Variants in TNF observed in about 807,000 individuals in gnomAD.
The protein encoded by TNF is tumor necrosis factor.
In TNF, 7 loss-of-function variants were observed where a neutral mutation model predicts 21.8. The ratio of observed to expected loss-of-function variants is 0.32; its 90% CI spans 0.18 to 0.60. The LOEUF is 0.60. TNF is among the 20% of genes least tolerant of loss of function. The pLI is 0.84. For missense variants in TNF, 216 were observed against 296.6 expected (o/e 0.73, Z 2.00); for synonymous variants, 123 against 130.2 (o/e 0.94, Z 0.38).
chr6:31,577,729 C>A lies in TNF; in HGVS notation c.*192C>A, dbSNP rs1236065202. On this transcript the variant is annotated 3_prime_UTR_variant, in exon 4 of 4. Transcript: ENST00000449264. The surrounding 1 kb of genome is among the most constrained non-coding windows in gnomAD (Gnocchi z 7.7). Reference sequence around the variant, plus strand: ...GGGATTCAGGAATGTGTGGCCTGCACAGTGAAGTGCTGGCAACCACTAAGA... The same window carrying A: ...GGGATTCAGGAATGTGTGGCCTGCAAAGTGAAGTGCTGGCAACCACTAAGA... 7 of 719,652 alleles carry A rather than the reference C, an allele frequency of 9.7e-6. No individual in the cohort carries two copies. Among genetic ancestry groups the A allele is most frequent in the Admixed American group, 2.3e-5 (1 of 43,318 alleles). 44.6% of individuals were successfully genotyped at this position (719,652 alleles called of 1,614,324 possible). A position where few individuals can be genotyped will look rare whatever the true frequency, so the allele number is the denominator to read the frequency against.
In TNF at chr6:31,576,543, G is replaced by A. The variant is rs776692566; in HGVS notation, c.196G>A (p.Asp66Asn). ...IGPQREEFPR[D>N]LSLISPLAQA... ...TCCTTCTCCCCAACAGTTCCCCAGG[G>A]ACCTCTCTCTAATCAGCCCTCTGGC... The change falls in exon 2 of 4, where the codon GAC becomes AAC. Residue 66 changes from aspartate (D) to asparagine (N), a missense_variant. By Grantham distance (23) the Asp-to-Asn change is conservative. Coordinates refer to ENST00000449264, the MANE Select transcript of TNF (RefSeq NM_000594.4). 1 of 1,613,686 alleles carries A rather than the reference G, an allele frequency of 6.2e-7. No homozygotes were observed. The highest frequency in any genetic ancestry group is 1.3e-5 in the African/African-American group (1 of 74,868).
At position 31,575,906 on chromosome 6, in the gene TNF, G is replaced by A; in HGVS notation, c.165G>A (p.Val55=). Reference sequence around the variant, plus strand: ...TCTTCTGCCTGCTGCACTTTGGAGTGATCGGCCCCCAGAGGGAAGAGGTGA... The same window carrying A: ...TCTTCTGCCTGCTGCACTTTGGAGTAATCGGCCCCCAGAGGGAAGAGGTGA... ...TTLFCLLHFG[V]IGPQREEFPR... Residue 55 remains valine, a synonymous_variant, in exon 1 of 4, where the codon GTG becomes GTA. Transcript: ENST00000449264. This position sits in a 1 kb window ranked among gnomAD's most constrained non-coding sequence, Gnocchi z 6.2. The A allele has an allele frequency of 6.3e-7, 1 of 1,576,076 alleles. No homozygotes were observed. Among genetic ancestry groups the A allele is most frequent in the Non-Finnish European group, 8.6e-7 (1 of 1,161,174 alleles).
At position 31,578,071 on chromosome 6, in the gene TNF, G is replaced by C. The variant is rs1341000942; in HGVS notation, c.*534G>C. 6.6e-6 allele frequency: 1 copy of C among 152,256 alleles called. No homozygotes were observed. The highest frequency in any genetic ancestry group is 1.5e-5 in the Non-Finnish European group (1 of 68,140). The allele number at this position is 152,256 out of a possible 1,614,324, so 9.4% of individuals were successfully genotyped here. A position where few individuals can be genotyped will look rare whatever the true frequency, so the allele number is the denominator to read the frequency against. On this transcript the variant is annotated 3_prime_UTR_variant, in exon 4 of 4. Transcript: ENST00000449264. The surrounding 1 kb of genome is among the most constrained non-coding windows in gnomAD (Gnocchi z 6.0). Reference sequence around the variant, plus strand: ...TTATTTGGGAGACCGGGGTATCCTGGGGGACCCAATGTAGGAGCTGCCTTG... The same window carrying C: ...TTATTTGGGAGACCGGGGTATCCTGCGGGACCCAATGTAGGAGCTGCCTTG...
rs1341944066 is a variant in TNF, at chr6:31,575,909, C to T, written c.168C>T (p.Ile56=). ...TCTGCCTGCTGCACTTTGGAGTGAT[C>T]GGCCCCCAGAGGGAAGAGGTGAGTG... The part of the protein sequence containing the change: ...TLFCLLHFGV[I]GPQREEFPRD... The change falls in exon 1 of 4, where the codon ATC becomes ATT. Residue 56 remains isoleucine (I), a synonymous_variant. Coordinates refer to ENST00000449264, the MANE Select transcript of TNF (RefSeq NM_000594.4). The surrounding 1 kb of genome is among the most constrained non-coding windows in gnomAD (Gnocchi z 6.2). 6 of 1,570,476 alleles carry T rather than the reference C, an allele frequency of 3.8e-6. No individual in the cohort carries two copies. The East Asian group carries it at 1.2e-4, about 31-fold the overall frequency.
chr6:31,576,336 G>A (rs901192919), intron 1 of TNF, among the ~76,000 whole-genome samples, 198 bp from the exon 2 acceptor site: 5 of 152,136 alleles, frequency 3.3e-5, no homozygotes, highest in Non-Finnish European at 4.4e-5. Flanking sequence ...GAGATAAGGA[G>A]AGAAGAAGAT....
intron 2 of TNF, 47 bp from the exon 3 acceptor site, chr6:31,576,720 T>C: frequency 6.2e-7 from 1 of 1,611,130 alleles, no homozygotes; most frequent in Non-Finnish European, 8.5e-7. Flanking sequence ...GGGTATTTTC[T>C]AGGAAGTTTA....
chr6:31,577,056 T>A lies in TNF; in HGVS notation c.281-60T>A. ...GGTGGGCAGAGCTCGAGGGCCAGGATGTGGAGAGTGAACCGACATGGCCAC... is the reference window on the plus strand; with the variant it reads ...GGTGGGCAGAGCTCGAGGGCCAGGAAGTGGAGAGTGAACCGACATGGCCAC... On this transcript the variant is annotated intron_variant, in intron 3 of 3. Coordinates refer to ENST00000449264, the MANE Select transcript of TNF (RefSeq NM_000594.4). The surrounding 1 kb of genome is among the most constrained non-coding windows in gnomAD (Gnocchi z 7.7). 1 of 1,545,574 alleles carries A rather than the reference T, an allele frequency of 6.5e-7. No homozygotes were observed. Among genetic ancestry groups the A allele is most frequent in the Non-Finnish European group, 8.7e-7 (1 of 1,145,988 alleles).
At chr6:31,576,868 G>A in intron 3 of TNF, 54 bp downstream of exon 3, 2 of 1,594,604 alleles carry the variant, frequency 1.3e-6, no homozygotes, top group Non-Finnish European at 1.7e-6. Flanking sequence ...TTTGGGGATT[G>A]AAGCCCGGCT....
intron 2 of TNF, 24 bp downstream of exon 2, chr6:31,576,603 C>T (rs1237508890): frequency 1.2e-6 from 2 of 1,611,504 alleles, no homozygotes; most frequent in South Asian, 1.1e-5. Context: ...AACCTCTTTC[C>T]TAATTCTGGG....
In TNF at chr6:31,578,221, A is replaced by G. The variant is rs1399632706; in HGVS notation, c.*684A>G. ...TTTATCTGATTAAGTTGTCTAAACA[A>G]TGCTGATTTGGTGACCAACTGTCAC... On this transcript the variant is annotated 3_prime_UTR_variant, in exon 4 of 4. Transcript: ENST00000449264. The surrounding 1 kb of genome is among the most constrained non-coding windows in gnomAD (Gnocchi z 6.0). The G allele has an allele frequency of 6.6e-6, 1 of 152,236 alleles. No individual in the cohort carries two copies. Among genetic ancestry groups the G allele is most frequent in the African/African-American group, 2.4e-5 (1 of 41,456 alleles). 9.4% of individuals were successfully genotyped at this position (152,236 alleles called of 1,614,324 possible). A position where few individuals can be genotyped will look rare whatever the true frequency, so the allele number is the denominator to read the frequency against.
chr6:31,577,560 C>A lies in TNF; in HGVS notation c.*23C>A. On this transcript the variant is annotated 3_prime_UTR_variant, in exon 4 of 4. Transcript: ENST00000449264. The surrounding 1 kb of genome is among the most constrained non-coding windows in gnomAD (Gnocchi z 7.7). ...TGAGGAGGACGAACATCCAACCTTC[C>A]CAAACGCCTCCCCTGCCCCAATCCC... 1.2e-6 allele frequency: 2 copies of A among 1,612,910 alleles called. No individual in the cohort carries two copies. The highest frequency in any genetic ancestry group is 1.7e-6 in the Non-Finnish European group (2 of 1,179,942).
chr6:31,575,757 A>G lies in TNF; in HGVS notation c.16A>G (p.Met6Val). The G allele has an allele frequency of 1.3e-6, 2 of 1,598,570 alleles. No homozygotes were observed. The highest frequency in any genetic ancestry group is 8.5e-7 in the Non-Finnish European group (1 of 1,172,552). The change falls in exon 1 of 4, where the codon ATG becomes GTG. Residue 6 changes from methionine (M) to valine (V), a missense_variant. Coordinates refer to ENST00000449264, the MANE Select transcript of TNF (RefSeq NM_000594.4). This position sits in a 1 kb window ranked among gnomAD's most constrained non-coding sequence, Gnocchi z 6.2. Reference protein sequence around the residue: MSTESMIRDVELAEEA... With the variant: MSTESVIRDVELAEEA... The stretch of plus-strand genomic sequence containing the variant: ...AAAGGACACCATGAGCACTGAAAGC[A>G]TGATCCGGGACGTGGAGCTGGCCGA...
Position 31,577,409 on chromosome 6 carries a change from G to A in TNF, c.574G>A (p.Glu192Lys), listed in dbSNP as rs1771237770. 1.2e-6 allele frequency: 2 copies of A among 1,613,038 alleles called. No homozygotes were observed. Among genetic ancestry groups the A allele is most frequent in the African/African-American group, 1.3e-5 (1 of 74,946 alleles). ...PEGAEAKPWY[E>K]PIYLGGVFQL... ...GGGGGCTGAGGCCAAGCCCTGGTAT[G>A]AGCCCATCTATCTGGGAGGGGTCTT... The change falls in exon 4 of 4, where the codon GAG (glutamate) becomes AAG (lysine). Residue 192 changes from glutamate to lysine, a missense_variant. Transcript: ENST00000449264. The surrounding 1 kb of genome is among the most constrained non-coding windows in gnomAD (Gnocchi z 7.7).
chr6:31,575,634 C>CCT lies in TNF; in HGVS notation c.-108_-107insCT. 9.0e-7 allele frequency: 1 copy of CCT among 1,109,924 alleles called. No individual in the cohort carries two copies. The highest frequency in any genetic ancestry group is 1.3e-6 in the Non-Finnish European group (1 of 792,998). The allele number at this position is 1,109,924 out of a possible 1,614,324, so 68.8% of individuals were successfully genotyped here. Reference sequence around the variant, plus strand: ...GGAGAGAAGCAACTACAGACCCCCCCTGAAAACAACCCTCAGACGCCACAT... The same window carrying CCT: ...GGAGAGAAGCAACTACAGACCCCCCCCTTGAAAACAACCCTCAGACGCCACAT... On this transcript the variant is annotated 5_prime_UTR_variant, in exon 1 of 4. Coordinates refer to ENST00000449264, the MANE Select transcript of TNF (RefSeq NM_000594.4). This position sits in a 1 kb window ranked among gnomAD's most constrained non-coding sequence, Gnocchi z 6.2.
At position 31,577,156 on chromosome 6, in the gene TNF, C is replaced by T; in HGVS notation, c.321C>T (p.Arg107=). ...QAEGQLQWLN[R]RANALLANGV... ...AGGGGCAGCTCCAGTGGCTGAACCG[C>T]CGGGCCAATGCCCTCCTGGCCAATG... Residue 107 remains arginine (R), a synonymous_variant, in exon 4 of 4, where the codon CGC becomes CGT. Transcript: ENST00000449264. This position sits in a 1 kb window ranked among gnomAD's most constrained non-coding sequence, Gnocchi z 7.7. 6.2e-7 allele frequency: 1 copy of T among 1,612,562 alleles called. No homozygotes were observed. Among genetic ancestry groups the T allele is most frequent in the Non-Finnish European group, 8.5e-7 (1 of 1,179,754 alleles).
Position 31,577,016 on chromosome 6 carries a change from A to G in TNF, c.281-100A>G. 1 of 1,469,066 alleles carries G rather than the reference A, an allele frequency of 6.8e-7. No homozygotes were observed. The highest frequency in any genetic ancestry group is 9.3e-7 in the Non-Finnish European group (1 of 1,079,864). 91.0% of individuals were successfully genotyped at this position (1,469,066 alleles called of 1,614,324 possible). ...ATGTGGGATGACAGACAGAGAGGAC[A>G]GGAACCGGATGTGGGGTGGGCAGAG... is the stretch of plus-strand genomic sequence containing the variant. On this transcript the variant is annotated intron_variant, in intron 3 of 3. Transcript: ENST00000449264. The surrounding 1 kb of genome is among the most constrained non-coding windows in gnomAD (Gnocchi z 7.7).
chr6:31,577,133 G>A lies in TNF; in HGVS notation c.298G>A (p.Gly100Arg). ...AHVVANPQAE[G>R]QLQWLNRRAN... ...CCCTCCAGCAAACCCTCAAGCTGAG[G>A]GGCAGCTCCAGTGGCTGAACCGCCG... Residue 100 changes from glycine (G) to arginine (R), a missense_variant, in exon 4 of 4, where the codon GGG becomes AGG. Physicochemically the swap from Gly to Arg is moderately radical, Grantham distance 125. This residue lies in a region of TNF where 118 missense variants were observed against 127.1 expected (regional missense o/e 0.93). Coordinates refer to ENST00000449264, the MANE Select transcript of TNF (RefSeq NM_000594.4). The surrounding 1 kb of genome is among the most constrained non-coding windows in gnomAD (Gnocchi z 7.7). 6.2e-7 allele frequency: 1 copy of A among 1,609,438 alleles called. No individual in the cohort carries two copies. The highest frequency in any genetic ancestry group is 2.2e-5 in the East Asian group (1 of 44,862).
intron 2 of TNF, 45 bp downstream of exon 2, chr6:31,576,624 G>T (rs761373748): frequency 6.2e-7 from 1 of 1,610,458 alleles, no homozygotes; most frequent in Non-Finnish European, 8.5e-7. Flanking sequence ...TTTGGGTTTG[G>T]GGGTAGGGTT....
Position 31,575,844 on chromosome 6 carries a change from C to T in TNF, c.103C>T (p.Leu35Phe). Residue 35 changes from leucine (L) to phenylalanine (F), a missense_variant, in exon 1 of 4, where the codon CTC (leucine) becomes TTC (phenylalanine). Around this residue, in one of 2 missense-constraint regions of TNF, gnomAD observed 118 missense variants for 127.1 expected, o/e 0.93. Coordinates refer to ENST00000449264, the MANE Select transcript of TNF (RefSeq NM_000594.4). The surrounding 1 kb of genome is among the most constrained non-coding windows in gnomAD (Gnocchi z 6.2). ...CTCCAGGCGGTGCTTGTTCCTCAGC[C>T]TCTTCTCCTTCCTGATCGTGGCAGG... is the stretch of plus-strand genomic sequence containing the variant. Reference protein sequence around the residue: ...QGSRRCLFLSLFSFLIVAGAT... With the variant: ...QGSRRCLFLSFFSFLIVAGAT... The T allele has an allele frequency of 6.2e-7, 1 of 1,612,356 alleles. No homozygotes were observed. Among genetic ancestry groups the T allele is most frequent in the Non-Finnish European group, 8.5e-7 (1 of 1,179,192 alleles).
Sources: gnomAD v4.1 joint callset for allele counts (sites outside exome capture counted in the v4.1 genomes callset) on GRCh38, gnomAD v4.1.1 for gene constraint, gnomAD v4.1.1 regional missense constraint, Gnocchi (gnomAD v3.1) non-coding constraint, MANE v1.5 for transcripts, NCBI Gene and HGNC (gene_info 2026-07-23, HGNC 2026-07-21) for gene names.